The following LCORL variants were observed in gnomAD, a reference collection of about 807,000 sequenced individuals.
LCORL encodes ligand-dependent nuclear receptor corepressor-like protein.
A neutral mutation model predicts 141.8 loss-of-function variants in LCORL; 41 were observed. The ratio of observed to expected loss-of-function variants is 0.29; its 90% confidence interval spans 0.23 to 0.38. LCORL has a LOEUF of 0.38. Ranked by LOEUF, LCORL falls within the 10% of genes least tolerant of loss-of-function variation. The pLI is 1.00. For missense variants in LCORL, 1,759 were observed against 2,035.0 expected (o/e 0.86, Z 2.61); for synonymous variants, 618 against 694.1 (o/e 0.89, Z 1.72).
At chr4:18,019,292 T>C (rs1037992296) in intron 1 of LCORL, among the ~76,000 whole-genome samples, 3 of 152,134 alleles carry the variant, frequency 2.0e-5, no homozygotes, top group Non-Finnish European at 2.9e-5. Context: ...TGAGCTGAGA[T>C]AGCACCGCTA....
At chr4:17,845,518 T>G (rs925814044) in exon 8 of LCORL, 1 of 415,434 alleles carries the variant, frequency 2.4e-6, no homozygotes, top group Non-Finnish European at 4.2e-6. Flanking sequence ...AACATCAAAA[T>G]CCGTTTACAA....
At position 18,021,489 on chromosome 4, in the gene LCORL, C is replaced by A; in HGVS notation, c.154+109G>T. The A allele has an allele frequency of 1.0e-6, 1 of 953,012 alleles. No individual in the cohort carries two copies. The highest frequency in any genetic ancestry group is 1.5e-6 in the Non-Finnish European group (1 of 680,674). 59.0% of individuals were successfully genotyped at this position (953,012 alleles called of 1,614,324 possible). ...CGCCGCTCCCATCTCGCTCCCCCAC[C>A]GAACTAACCCGAACGGGAGATTCAA... On this transcript the variant is annotated intron_variant, in intron 1 of 7. Coordinates refer to ENST00000635767, the Ensembl canonical transcript of LCORL. The surrounding 1 kb of genome is among the most constrained non-coding windows in gnomAD (Gnocchi z 5.5).
chr4:17,937,473 T>G (rs1191554221), intron 4 of LCORL, among the ~76,000 whole-genome samples: 6 of 152,184 alleles, frequency 3.9e-5, no homozygotes, highest in African/African-American at 7.2e-5. Context: ...AATATAAGAA[T>G]AGCAATAATC....
At chr4:17,982,099 C>CGTGTGTGTGTGTGTGTGT (rs57094203) in intron 1 of LCORL, among the ~76,000 whole-genome samples, 15 of 136,582 alleles carry the variant, frequency 1.1e-4, no homozygotes, top group East Asian at 2.2e-4. Flanking sequence ...AGTATTCCAT[C>CGTGTGTGTGTGTGTGTGT]GTGTGTGTGT....
At chr4:17,848,979 G>C (rs533605467) in intron 7 of LCORL, among the ~76,000 whole-genome samples, 3,228 of 152,332 alleles carry the variant, frequency 0.021, 110 homozygotes, top group African/African-American at 0.073. Flanking sequence ...GGCTGGGGGA[G>C]GGGCGCCCAC....
At chr4:17,934,961 A>G (rs1736617661) in intron 4 of LCORL, among the ~76,000 whole-genome samples, 1 of 152,194 alleles carries the variant, frequency 6.6e-6, no homozygotes, top group Admixed American at 6.5e-5. Flanking sequence ...GTTACCCACT[A>G]TGTAACTAAC....
chr4:17,849,644 C>T (rs1385394904), intron 7 of LCORL, among the ~76,000 whole-genome samples: 1 of 152,162 alleles, frequency 6.6e-6, no homozygotes, highest in Non-Finnish European at 1.5e-5. Context: ...AACGCAGCTC[C>T]TCACCAGCAA....
Position 17,977,393 on chromosome 4 carries a change from C to G in LCORL, c.155-4508G>C, listed in dbSNP as rs552252193. On this transcript the variant is annotated intron_variant, in intron 1 of 7. Transcript: ENST00000635767. ...TGTATGAAAGTTACCATGGCTGATT[C>G]ACATCCCAATCACCACTTGGTTAGT... Among the ~76,000 whole-genome samples, 33 of 152,236 alleles carry G rather than the reference C, an allele frequency of 2.2e-4. 2 individuals are homozygous for G. The South Asian group carries it at 6.2e-3, about 29-fold the overall frequency.
intron 4 of LCORL, among the ~76,000 whole-genome samples, chr4:17,920,754 C>A (rs1220691500): frequency 6.6e-6 from 1 of 152,198 alleles, no homozygotes; most frequent in Non-Finnish European, 1.5e-5. Context: ...GAAGTAAATT[C>A]CCTCTCAGGA....
intron 1 of LCORL, among the ~76,000 whole-genome samples, chr4:17,985,803 T>A (rs781383177): frequency 1.3e-5 from 2 of 152,176 alleles, no homozygotes; most frequent in Non-Finnish European, 2.9e-5. Flanking sequence ...ACCCTGTTAT[T>A]GTGTTGTCAG....
chr4:17,881,869 T>C (rs1727618149), intron 6 of LCORL: 3 of 983,626 alleles, frequency 3.0e-6, no homozygotes, highest in Admixed American at 6.2e-5. Context: ...GGGGGAAATA[T>C]ACTAAATAAT....
intron 1 of LCORL, among the ~76,000 whole-genome samples, chr4:17,988,481 C>T (rs1041534926): frequency 4.7e-4 from 72 of 152,068 alleles, no homozygotes; most frequent in Non-Finnish European, 5.1e-4. Context: ...CTATGTTTTG[C>T]ATGTTTCTTT....
At chr4:17,917,995 G>GCA (rs1276698777) in intron 4 of LCORL, among the ~76,000 whole-genome samples, 1 of 150,676 alleles carries the variant, frequency 6.6e-6, no homozygotes, top group Non-Finnish European at 1.5e-5. Flanking sequence ...ACAAACAATT[G>GCA]CACTATTCTC....
At chr4:17,952,483 T>C (rs993149334) in intron 4 of LCORL, among the ~76,000 whole-genome samples, 7 of 150,774 alleles carry the variant, frequency 4.6e-5, no homozygotes, top group African/African-American at 1.7e-4. Flanking sequence ...TGGCGCGATC[T>C]CGGCTCACTG....
At chr4:17,892,636 T>C (rs1368363921) in intron 5 of LCORL, among the ~76,000 whole-genome samples, 1 of 152,228 alleles carries the variant, frequency 6.6e-6, no homozygotes, top group Non-Finnish European at 1.5e-5. Context: ...TAAATCAAAG[T>C]AAAGTGCTTA....
At position 18,013,265 on chromosome 4, in the gene LCORL, T is replaced by C. The variant is rs1361589577; in HGVS notation, c.154+8333A>G. Among the ~76,000 whole-genome samples the C allele has an allele frequency of 9.2e-5, 14 of 152,230 alleles. 1 individual carries two copies. Among genetic ancestry groups the C allele is most frequent in the Admixed American group, 8.5e-4 (13 of 15,286 alleles). ...TCTTCTGCCCAAGGAAGGCTAAGAT[T>C]CCTTAAGGTGTGGTACTGAGTCACC... is the stretch of plus-strand genomic sequence containing the variant. On this transcript the variant is annotated intron_variant, in intron 1 of 7. Coordinates refer to ENST00000635767, the Ensembl canonical transcript of LCORL.
chr4:17,986,951 T>C (rs1220601108), intron 1 of LCORL, among the ~76,000 whole-genome samples: 1 of 152,174 alleles, frequency 6.6e-6, no homozygotes, highest in South Asian at 2.1e-4. Context: ...GTTTAACCTT[T>C]TTTTTGTATC....
At position 18,009,996 on chromosome 4, in the gene LCORL, A is replaced by G. The variant is rs992980877; in HGVS notation, c.154+11602T>C. Among the ~76,000 whole-genome samples the G allele has an allele frequency of 6.6e-5, 10 of 152,136 alleles. No individual in the cohort carries two copies. In the South Asian group the frequency reaches 1.7e-3, roughly 25 times the overall value. On this transcript the variant is annotated intron_variant, in intron 1 of 7. Transcript: ENST00000635767. Reference sequence around the variant, plus strand: ...GTACTGAGCTGTTCAGAAAGGGAGGAGGAAGAAGACATTGAAGAACAATTA... The same window carrying G: ...GTACTGAGCTGTTCAGAAAGGGAGGGGGAAGAAGACATTGAAGAACAATTA...
At chr4:18,001,599 G>A (rs1223025617) in intron 1 of LCORL, among the ~76,000 whole-genome samples, 2 of 152,174 alleles carry the variant, frequency 1.3e-5, no homozygotes, top group East Asian at 1.9e-4. Context: ...TATTCTTGCA[G>A]AGAAAGGTTC....
Sources: gnomAD v4.1 joint callset for allele counts (sites outside exome capture counted in the v4.1 genomes callset) on GRCh38, gnomAD v4.1.1 for gene constraint, Gnocchi (gnomAD v3.1) non-coding constraint, MANE v1.5 for transcripts, NCBI Gene and HGNC (gene_info 2026-07-23, HGNC 2026-07-21) for gene names.